The following BRD9 variants were observed in gnomAD, a reference collection of about 807,000 sequenced individuals.
BRD9 encodes bromodomain-containing protein 9.
In BRD9, 47 loss-of-function variants were observed where a neutral mutation model predicts 68.7. That is an observed-to-expected ratio of 0.68 (90% CI 0.54 to 0.87). The LOEUF is 0.87. Ranked by LOEUF, BRD9 falls within the 40% of genes least tolerant of loss-of-function variation. BRD9 has a pLI of 0.00. For missense variants in BRD9, 670 were observed against 748.4 expected, an observed-to-expected ratio of 0.90 and a Z score of 1.22; for synonymous variants, 313 against 293.9, an observed-to-expected ratio of 1.06 and a Z score of -0.67.
chr5:864,517 G>T lies in BRD9; in HGVS notation c.1745C>A (p.Pro582His). ...VGEQPDVTHD[P>H]YEFLQSPEPA... is the part of the protein sequence containing the mutation. Reference sequence around the variant, plus strand: ...CTCTGGAGACTGAAGAAACTCATAGGGGTCGTGGGTGACGTCTGGCTGCTC... The same window carrying T: ...CTCTGGAGACTGAAGAAACTCATAGTGGTCGTGGGTGACGTCTGGCTGCTC... The change falls in exon 16 of 16, where the codon CCC (proline) becomes CAC (histidine). Residue 582 changes from proline (P) to histidine (H), a missense_variant. Pro to His is a moderately conservative substitution (Grantham distance 77, BLOSUM62 -2). This residue lies in a region of BRD9 where 280 missense variants were observed against 281.5 expected (regional missense o/e 0.99). Coordinates refer to ENST00000467963, the MANE Select transcript of BRD9 (RefSeq NM_023924.5). 1 of 1,614,048 alleles carries T rather than the reference G, an allele frequency of 6.2e-7. No homozygotes were observed. The highest frequency in any genetic ancestry group is 8.5e-7 in the Non-Finnish European group (1 of 1,179,950).
At chr5:892,423 A>C in intron 1 of BRD9, 183 bp downstream of exon 1, 3 of 1,343,542 alleles carry the variant, frequency 2.2e-6, no homozygotes, top group Non-Finnish European at 2.9e-6. Context: ...GCGCCTACCC[A>C]GGACCCCTCA....
chr5:870,651 G>T, intron 13 of BRD9, 76 bp from the exon 14 acceptor site: 1 of 1,031,338 alleles, frequency 9.7e-7, no homozygotes. Flanking sequence ...ACTCGCTATT[G>T]AAATCACTCT....
chr5:889,933 T>C, intron 3 of BRD9: 1 of 412,584 alleles, frequency 2.4e-6, no homozygotes, highest in East Asian at 6.4e-5. Flanking sequence ...CTCATACCAC[T>C]ACTCTAGACA....
chr5:891,935 A>G, intron 1 of BRD9, 81 bp from the exon 2 acceptor site: 1 of 1,526,592 alleles, frequency 6.6e-7, no homozygotes, highest in South Asian at 1.2e-5. Flanking sequence ...AGGTGCTAAG[A>G]GGGAAAGGCC....
chr5:865,247 G>A (rs1260816336), intron 15 of BRD9, among the ~76,000 whole-genome samples, 167 bp downstream of exon 15: 6 of 152,348 alleles, frequency 3.9e-5, no homozygotes, highest in South Asian at 2.1e-4. Flanking sequence ...GCTCTGCACC[G>A]AGGCCGCGAC....
At chr5:871,792 C>T (rs566848270) in intron 12 of BRD9, among the ~76,000 whole-genome samples, 4 of 152,314 alleles carry the variant, frequency 2.6e-5, no homozygotes, top group South Asian at 2.1e-4. Context: ...GATTGTGTGC[C>T]GGGGACAGCG....
intron 5 of BRD9, among the ~76,000 whole-genome samples, chr5:887,896 TTC>T (rs1431513894): frequency 6.6e-6 from 1 of 152,218 alleles, no homozygotes; most frequent in Non-Finnish European, 1.5e-5. Context: ...GAATTTAAAA[TTC>T]TGTCACCAAA....
chr5:876,284 C>T lies in BRD9; in HGVS notation c.1272-72G>A, dbSNP rs1469020007. ...CTGGCCCTCGCGGCAGCCCTGATCA[C>T]AGAAGCCTGCCGTGCCAGCGCAGCT... On this transcript the variant is annotated intron_variant, in intron 11 of 15. Coordinates refer to ENST00000467963, the MANE Select transcript of BRD9 (RefSeq NM_023924.5). 9 of 1,188,674 alleles carry T rather than the reference C, an allele frequency of 7.6e-6. No homozygotes were observed. In the East Asian group the frequency reaches 2.0e-4, roughly 26 times the overall value. The allele number at this position is 1,188,674 out of a possible 1,614,324, so 73.6% of individuals were successfully genotyped here.
intron 3 of BRD9, among the ~76,000 whole-genome samples, chr5:890,225 A>G (rs1388437197): frequency 6.6e-6 from 1 of 152,106 alleles, no homozygotes; most frequent in Non-Finnish European, 1.5e-5. Context: ...GTGCCTGAAG[A>G]GCCAAATGAC....
At chr5:883,823 C>T in intron 8 of BRD9, 115 bp downstream of exon 8, 1 of 1,448,398 alleles carries the variant, frequency 6.9e-7, no homozygotes, top group Non-Finnish European at 9.3e-7. Flanking sequence ...GGGCCCCACG[C>T]TGACCTCTGG....
chr5:880,768 TG>T (rs1261062917), intron 9 of BRD9, among the ~76,000 whole-genome samples: 5 of 152,220 alleles, frequency 3.3e-5, no homozygotes, highest in African/African-American at 1.2e-4. Flanking sequence ...GCCAGCACTC[TG>T]GTCTTTGCTG....
At position 892,688 on chromosome 5, in the gene BRD9, G is replaced by A. The variant is rs952222544; in HGVS notation, c.-31C>T. The A allele has an allele frequency of 1.5e-6, 2 of 1,377,844 alleles. No individual in the cohort carries two copies. The highest frequency in any genetic ancestry group is 2.1e-4 in the Middle Eastern group (1 of 4,858). 85.4% of individuals were successfully genotyped at this position (1,377,844 alleles called of 1,614,324 possible). On this transcript the variant is annotated 5_prime_UTR_variant, in exon 1 of 16. Coordinates refer to ENST00000467963, the MANE Select transcript of BRD9 (RefSeq NM_023924.5). ...CGCCGGCGGCGGGCCCGAGGCGGGGGCTGGGAACAGCTGGCACCCGGTCGG... is the reference window on the plus strand; with the variant it reads ...CGCCGGCGGCGGGCCCGAGGCGGGGACTGGGAACAGCTGGCACCCGGTCGG...
chr5:892,046 G>T, intron 1 of BRD9, 192 bp from the exon 2 acceptor site: 1 of 919,066 alleles, frequency 1.1e-6, no homozygotes, highest in Non-Finnish European at 1.6e-6. Context: ...CTTCCCCTCC[G>T]CAGGGAGCTT....
At position 891,275 on chromosome 5, in the gene BRD9, G is replaced by C; in HGVS notation, c.280C>G (p.Arg94Gly). The change falls in exon 3 of 16, where the codon CGG becomes GGG. Residue 94 changes from arginine (R) to glycine (G), a missense_variant. Arg to Gly is a moderately radical substitution (Grantham distance 125). Transcript: ENST00000467963. ...ERRKRKEEKK[R>G]KREREHCDTE... Reference sequence around the variant, plus strand: ...TCACAGTGCTCCCTCTCTCGCTTCCGCTTCTTCTCTTCCTGGGCGGCAGAG... The same window carrying C: ...TCACAGTGCTCCCTCTCTCGCTTCCCCTTCTTCTCTTCCTGGGCGGCAGAG... The C allele has an allele frequency of 6.4e-7, 1 of 1,551,456 alleles. No homozygotes were observed. Among genetic ancestry groups the C allele is most frequent in the East Asian group, 2.4e-5 (1 of 40,906 alleles).
At chr5:865,343 C>G in intron 15 of BRD9, 71 bp downstream of exon 15, 1 of 1,480,114 alleles carries the variant, frequency 6.8e-7, no homozygotes, top group Non-Finnish European at 9.0e-7. Context: ...ATGCTGCCCA[C>G]TACCTCGTCT....
At chr5:869,474 G>A (rs1385509747) in intron 14 of BRD9, 3 of 407,888 alleles carry the variant, frequency 7.4e-6, no homozygotes, top group Non-Finnish European at 1.5e-5. Flanking sequence ...TGTATCTTGT[G>A]GGAAAAATCT....
intron 13 of BRD9, 109 bp downstream of exon 13, chr5:871,417 T>G: frequency 2.1e-6 from 2 of 964,698 alleles, no homozygotes; most frequent in Admixed American, 3.5e-5. Context: ...AGAAACGGAC[T>G]CCATTTCTAA....
chr5:870,240 A>G, intron 14 of BRD9: 1 of 485,470 alleles, frequency 2.1e-6, no homozygotes, highest in Non-Finnish European at 3.7e-6. Flanking sequence ...TCCTGAGGTT[A>G]CCCAGGGGCT....
Position 880,458 on chromosome 5 carries a change from G to A in BRD9, c.1043-569C>T, listed in dbSNP as rs557038481. Among the ~76,000 whole-genome samples, 60 of 151,754 alleles carry A rather than the reference G, an allele frequency of 4.0e-4. 1 individual carries two copies. The South Asian group carries it at 0.011, about 28-fold the overall frequency. On this transcript the variant is annotated intron_variant, in intron 9 of 15. Coordinates refer to ENST00000467963, the MANE Select transcript of BRD9 (RefSeq NM_023924.5). ...TCCTTCACACACTGGAGAAAACCACGCTGGCATGGTGGAGCTGGGTGAAAG... is the reference window on the plus strand; with the variant it reads ...TCCTTCACACACTGGAGAAAACCACACTGGCATGGTGGAGCTGGGTGAAAG...
Sources: allele counts gnomAD v4.1 joint callset (sites outside exome capture counted in the v4.1 genomes callset), GRCh38; gene constraint gnomAD v4.1.1; regional missense constraint gnomAD v4.1.1; transcripts MANE v1.5; gene names NCBI Gene and HGNC (gene_info 2026-07-23, HGNC 2026-07-21).